The following OFD1 variants were observed in gnomAD, a reference collection of about 807,000 sequenced individuals.
The protein encoded by OFD1 is centriole and centriolar satellite protein OFD1.
A neutral mutation model predicts 81.4 loss-of-function variants in OFD1; 12 were observed. The ratio of observed to expected loss-of-function variants is 0.15; its 90% CI spans 0.09 to 0.24. OFD1 has a LOEUF of 0.24. Ranked by LOEUF, OFD1 falls within the 10% of genes least tolerant of loss-of-function variation. The pLI, the probability that OFD1 is intolerant of heterozygous loss-of-function variation, is 1.00. For missense variants in OFD1, 685 were observed against 733.9 expected (o/e 0.93, Z 0.77); for synonymous variants, 256 against 263.7 (o/e 0.97, Z 0.28).
rs779494159 is a variant in OFD1, at chrX:13,751,368, A to C, written c.1055A>C (p.Lys352Thr). ...YDRKLKNELL[K>T]YQLELKDDYI... Reference sequence around the variant, plus strand: ...CGAAAGCTCAAGAATGAACTTCTAAAGTAATTGTTTAGCATTTTTAAATAA... The same window carrying C: ...CGAAAGCTCAAGAATGAACTTCTAACGTAATTGTTTAGCATTTTTAAATAA... The change falls in exon 10 of 23, where the codon AAG (lysine) becomes ACG (threonine). Residue 352 changes from lysine (K) to threonine (T), a missense_variant and splice_region_variant. This residue lies in a region of OFD1 where 414 missense variants were observed against 447.2 expected (regional missense o/e 0.93). Transcript: ENST00000340096. 2 of 1,193,149 alleles carry C rather than the reference A, an allele frequency of 1.7e-6. No homozygotes were observed. Among genetic ancestry groups the C allele is most frequent in the Non-Finnish European group, 2.3e-6 (2 of 881,540 alleles).
chrX:13,725,463 G>A, the OFD1 span, among the ~76,000 whole-genome samples: 2 of 112,301 alleles, frequency 1.8e-5, no homozygotes, highest in Admixed American at 9.4e-5. Flanking sequence ...CCAGGCAAAC[G>A]GGGTCTGGAG....
chrX:13,742,318 T>G (rs1459454194), intron 5 of OFD1, among the ~76,000 whole-genome samples: 1 of 111,598 alleles, frequency 9.0e-6, no homozygotes, highest in Non-Finnish European at 1.9e-5. Flanking sequence ...TCTTATTTAT[T>G]ATACCTTACA....
rs368739727 is a variant in OFD1 at position 13,756,609 on chromosome X, T to C, written c.1253T>C (p.Leu418Ser). 3 of 1,204,111 alleles carry C rather than the reference T, an allele frequency of 2.5e-6. No individual in the cohort carries two copies. Among genetic ancestry groups the C allele is most frequent in the African/African-American group, 3.5e-5 (2 of 56,851 alleles). Reference sequence around the variant, plus strand: ...TTAGAGTCTGTCAAAGCCCAGTCTTTGGCAATAACAAAACAAAACCATATG... The same window carrying C: ...TTAGAGTCTGTCAAAGCCCAGTCTTCGGCAATAACAAAACAAAACCATATG... ...LELESVKAQS[L>S]AITKQNHMLN... Residue 418 changes from leucine to serine, a missense_variant, in exon 13 of 23, where the codon TTG becomes TCG. Around this residue, in one of 3 missense-constraint regions of OFD1, gnomAD observed 414 missense variants for 447.2 expected, o/e 0.93. Transcript: ENST00000340096.
downstream of OFD1, chrX:13,772,312 A>T (rs942976436): frequency 1.8e-5 from 2 of 111,969 alleles, no homozygotes; most frequent in Admixed American, 9.4e-5. Context: ...TCAGGAAATT[A>T]ATGGGTCCTG....
At chrX:13,725,578 T>C in the OFD1 span, among the ~76,000 whole-genome samples, 70 of 111,990 alleles carry the variant, frequency 6.3e-4, no homozygotes, top group African/African-American at 2.1e-3. Context: ...AAAAACAACA[T>C]CTACACCAAA....
rs146137890 is a variant in OFD1, at chrX:13,736,191, A to T, written c.112-287A>T. ...AGCTGCTGAAATGGGCTTCTAGGGA[A>T]GTGAAGTTATGAGTCTGCAAGTGGA... is the stretch of plus-strand genomic sequence containing the variant. On this transcript the variant is annotated intron_variant, in intron 2 of 22. Transcript: ENST00000340096. The T allele has an allele frequency of 5.3e-4, 483 of 912,459 alleles. 1 individual carries two copies. The African/African-American group carries it at 9.1e-3, about 17-fold the overall frequency. The allele number at this position is 912,459 out of a possible 1,213,427, so 75.2% of individuals were successfully genotyped here.
At chrX:13,729,847 G>T (rs191318767), upstream of OFD1, among the ~76,000 whole-genome samples, 146 of 112,019 alleles carry the variant, frequency 1.3e-3, no homozygotes, top group Non-Finnish European at 2.3e-3. Flanking sequence ...GGTGGAGGTT[G>T]CAGTGAGTCA....
the OFD1 span, chrX:13,716,656 T>G: frequency 8.3e-7 from 1 of 1,210,395 alleles, no homozygotes; most frequent in African/African-American, 1.7e-5. Flanking sequence ...AGCTATGAAC[T>G]GGTTCAGATG....
In OFD1 at chrX:13,762,398, C is replaced by T; in HGVS notation, c.2442C>T (p.Asp814=). The change falls in exon 18 of 23, where the codon GAC becomes GAT. Residue 814 remains aspartate, a synonymous_variant. Transcript: ENST00000340096. ...LQDKSEFSDV[D]KLAFKDNEEF... ...ACAAAAGTGAATTTTCAGATGTGGA[C>T]AAGCTAGCTTTTAAGGATAATGAGG... is the stretch of plus-strand genomic sequence containing the variant. 8.3e-7 allele frequency: 1 copy of T among 1,201,523 alleles called. No homozygotes were observed. The highest frequency in any genetic ancestry group is 1.1e-6 in the Non-Finnish European group (1 of 886,080).
chrX:13,764,485 C>T (rs986007702), intron 19 of OFD1, among the ~76,000 whole-genome samples: 1 of 111,485 alleles, frequency 9.0e-6, no homozygotes. Context: ...TCCCTCCCTG[C>T]GGGTGGAGGG....
chrX:13,762,464 C>T lies in OFD1; in HGVS notation c.2488+20C>T, dbSNP rs2047971835. On this transcript the variant is annotated intron_variant, in intron 18 of 22. Transcript: ENST00000340096. Reference sequence around the variant, plus strand: ...TTGAATGTAAGTTCAAATATAAATACCAGTTTTTATATGTTGAAAATCTAG... The same window carrying T: ...TTGAATGTAAGTTCAAATATAAATATCAGTTTTTATATGTTGAAAATCTAG... 1 of 973,085 alleles carries T rather than the reference C, an allele frequency of 1.0e-6. No homozygotes were observed. The highest frequency in any genetic ancestry group is 1.5e-6 in the Non-Finnish European group (1 of 680,160). 80.2% of individuals were successfully genotyped at this position (973,085 alleles called of 1,213,427 possible).
At chrX:13,766,494 G>A (rs934036135) in intron 19 of OFD1, among the ~76,000 whole-genome samples, 1 of 111,587 alleles carries the variant, frequency 9.0e-6, no homozygotes, top group Non-Finnish European at 1.9e-5. Context: ...TATCAGAAAT[G>A]TGGACGCGAG....
At chrX:13,741,076 G>T (rs1223400643) in intron 5 of OFD1, among the ~76,000 whole-genome samples, 3 of 110,595 alleles carry the variant, frequency 2.7e-5, no homozygotes, top group Non-Finnish European at 3.8e-5. Flanking sequence ...GGAGGCAGAG[G>T]TTACAGTGAG....
At chrX:13,738,074 C>A (rs1210826700) in intron 3 of OFD1, among the ~76,000 whole-genome samples, 1 of 111,670 alleles carries the variant, frequency 9.0e-6, no homozygotes, top group Non-Finnish European at 1.9e-5. Context: ...GGTCTCGAAT[C>A]CTGACCCCAG....
chrX:13,718,552 C>G, the OFD1 span, among the ~76,000 whole-genome samples: 2 of 112,034 alleles, frequency 1.8e-5, no homozygotes, highest in African/African-American at 6.5e-5. Flanking sequence ...TAGCTGCATC[C>G]CACAAAGCAG....
chrX:13,737,086 A>G (rs1170448647), intron 3 of OFD1, among the ~76,000 whole-genome samples: 1 of 111,910 alleles, frequency 8.9e-6, no homozygotes, highest in Non-Finnish European at 1.9e-5. Flanking sequence ...AATTTGCCCA[A>G]CATCAAGTAA....
In OFD1 at chrX:13,756,444, T is replaced by C. The variant is rs765347792; in HGVS notation, c.1222-134T>C. 26 of 480,034 alleles carry C rather than the reference T, an allele frequency of 5.4e-5. No individual in the cohort carries two copies. The East Asian group carries it at 8.0e-4, about 15-fold the overall frequency. The allele number at this position is 480,034 out of a possible 1,213,427, so 39.6% of individuals were successfully genotyped here. On this transcript the variant is annotated intron_variant, in intron 12 of 22. Coordinates refer to ENST00000340096, the MANE Select transcript of OFD1 (RefSeq NM_003611.3). The stretch of plus-strand genomic sequence containing the variant: ...TTTCGTTATTGTAGTTAGAGTCTTA[T>C]TGTAGAGAATCAGACTTCTGTCTAG...
intron 5 of OFD1, chrX:13,739,994 C>T (rs1390443517): frequency 4.4e-6 from 4 of 904,883 alleles, no homozygotes; most frequent in Admixed American, 8.4e-5. Context: ...TGTCTGTTGC[C>T]TGCACTATCA....
At position 13,768,222 on chromosome X, in the gene OFD1, A is replaced by G; in HGVS notation, c.2926A>G (p.Lys976Glu). 2 of 1,203,275 alleles carry G rather than the reference A, an allele frequency of 1.7e-6. No individual in the cohort carries two copies. The highest frequency in any genetic ancestry group is 2.3e-6 in the Non-Finnish European group (2 of 887,384). ...QQEQDQESAD[K>E]SSKKMVQEGS... ...GGAGCAAGACCAGGAGTCGGCAGAT[A>G]AGGTGCCAGTGCCATGGGCAGGGCA... is the stretch of plus-strand genomic sequence containing the variant. The change falls in exon 21 of 23, where the codon AAG becomes GAG. Residue 976 changes from lysine to glutamate, a missense_variant and splice_region_variant. This residue lies in a region of OFD1 where 259 missense variants were observed against 254.4 expected (regional missense o/e 1.02). Transcript: ENST00000340096.
Sources: gnomAD v4.1 joint callset for allele counts (sites outside exome capture counted in the v4.1 genomes callset) on GRCh38, gnomAD v4.1.1 for gene constraint, gnomAD v4.1.1 regional missense constraint, MANE v1.5 for transcripts, NCBI Gene and HGNC (gene_info 2026-07-23, HGNC 2026-07-21) for gene names.